Variants in DSCAM observed in about 807,000 individuals in gnomAD.
DSCAM encodes cell adhesion molecule DSCAM.
A neutral mutation model predicts 217.7 loss-of-function variants in DSCAM; 47 were observed. The ratio of observed to expected loss-of-function variants is 0.22; its 90% confidence interval spans 0.17 to 0.28. DSCAM has a LOEUF of 0.28. Among genes scored for constraint, DSCAM ranks in the 10% least tolerant of loss-of-function variants. DSCAM has a pLI of 1.00. For synonymous variants in DSCAM, 1,056 were observed against 1,015.3 expected (o/e 1.04, Z -0.76); for missense variants, 2,080 against 2,618.3 (o/e 0.79, Z 4.49).
intron 3 of DSCAM, among the ~76,000 whole-genome samples, chr21:40,453,093 A>T (rs59897060): frequency 0.15 from 18,723 of 126,650 alleles, 1,537 homozygotes; most frequent in East Asian, 0.41. Context: ...TGTGTGTGTG[A>T]GATATATGTG....
intron 3 of DSCAM, among the ~76,000 whole-genome samples, chr21:40,502,924 T>C (rs1202424924): frequency 6.6e-6 from 1 of 152,112 alleles, no homozygotes; most frequent in East Asian, 1.9e-4. Context: ...TTTTTTTATT[T>C]AACAAAACTA....
chr21:40,492,082 A>C (rs1039449993), intron 3 of DSCAM, among the ~76,000 whole-genome samples: 1 of 152,238 alleles, frequency 6.6e-6, no homozygotes, highest in Middle Eastern at 3.2e-3. Context: ...ACCAGAGTAT[A>C]ATAAGTAACC....
chr21:40,138,124 T>C (rs987338363), intron 18 of DSCAM, among the ~76,000 whole-genome samples: 2 of 152,230 alleles, frequency 1.3e-5, no homozygotes, highest in African/African-American at 4.8e-5. Flanking sequence ...CAGTTTTATT[T>C]CATCTGACCA....
In DSCAM at chr21:40,435,669, C is replaced by A. The variant is rs192287222; in HGVS notation, c.509-66424G>T. 2.7e-3 allele frequency among the ~76,000 whole-genome samples: 405 copies of A among 152,158 alleles called. 4 individuals are homozygous for A. The highest frequency in any genetic ancestry group is 8.6e-3 in the African/African-American group (356 of 41,516). Reference sequence around the variant, plus strand: ...ATCCCTCCTTTGAATTGCTTTTGTACCTTTGTCAAAAATCAGCTGAGCATA... The same window carrying A: ...ATCCCTCCTTTGAATTGCTTTTGTAACTTTGTCAAAAATCAGCTGAGCATA... On this transcript the variant is annotated intron_variant, in intron 3 of 32. Transcript: ENST00000400454.
chr21:40,658,976 G>C (rs2090105831), intron 3 of DSCAM, among the ~76,000 whole-genome samples: 1 of 152,068 alleles, frequency 6.6e-6, no homozygotes, highest in Non-Finnish European at 1.5e-5. Context: ...GGCAAATGAG[G>C]CTTCGTCTTC....
intron 11 of DSCAM, among the ~76,000 whole-genome samples, chr21:40,229,028 A>G (rs2091358036): frequency 2.0e-5 from 3 of 152,178 alleles, no homozygotes; most frequent in Admixed American, 2.0e-4. Flanking sequence ...CCTCTTCCCT[A>G]GCTTGTTTGT....
At chr21:40,286,361 G>A (rs1348085146) in intron 10 of DSCAM, among the ~76,000 whole-genome samples, 1 of 152,100 alleles carries the variant, frequency 6.6e-6, no homozygotes, top group Non-Finnish European at 1.5e-5. Flanking sequence ...AAAAGAATGA[G>A]ACGAAATGCC....
intron 20 of DSCAM, among the ~76,000 whole-genome samples, chr21:40,106,782 T>C (rs765471998): frequency 6.6e-6 from 1 of 152,226 alleles, no homozygotes; most frequent in Non-Finnish European, 1.5e-5. Flanking sequence ...TATTCTCTGA[T>C]GGTTGTTTGT....
rs148940809 is a variant in DSCAM at position 40,186,182 on chromosome 21, C to T, written c.2779+949G>A. On this transcript the variant is annotated intron_variant, in intron 14 of 32. Coordinates refer to ENST00000400454, the MANE Select transcript of DSCAM (RefSeq NM_001389.5). ...GCAGTCACCATTTCCTGGCTCTGTT[C>T]CTGGCTTGCTCTTGCTGAAACATTT... 2.6e-3 allele frequency among the ~76,000 whole-genome samples: 393 copies of T among 152,314 alleles called. 1 individual carries two copies. Among genetic ancestry groups the T allele is most frequent in the African/African-American group, 9.2e-3 (383 of 41,578 alleles).
intron 8 of DSCAM, among the ~76,000 whole-genome samples, chr21:40,333,701 T>C (rs2074400135): frequency 6.6e-6 from 1 of 152,212 alleles, no homozygotes; most frequent in South Asian, 2.1e-4. Flanking sequence ...CCTTCTAAGT[T>C]CTGAGTAAAG....
In DSCAM at chr21:40,087,151, AC is replaced by A; in HGVS notation, c.3968+18del. On this transcript the variant is annotated intron_variant, in intron 22 of 32. Transcript: ENST00000400454. ...TCTCTTAGAGTCTCACTGAAGGCATACATTGGGTTACTGGTTACCTGTCTTT... is the reference window on the plus strand; with the variant it reads ...TCTCTTAGAGTCTCACTGAAGGCATAATTGGGTTACTGGTTACCTGTCTTT... 6.5e-7 allele frequency: 1 copy of A among 1,540,824 alleles called. No individual in the cohort carries two copies. The highest frequency in any genetic ancestry group is 2.2e-5 in the East Asian group (1 of 44,504).
chr21:40,216,822 C>T (rs1256815013), intron 11 of DSCAM, among the ~76,000 whole-genome samples: 1 of 152,208 alleles, frequency 6.6e-6, no homozygotes, highest in Non-Finnish European at 1.5e-5. Context: ...GGAGCTGCTG[C>T]CCTGTTAGAA....
Position 40,012,070 on chromosome 21 carries a change from T to G in DSCAM, c.*964A>C, listed in dbSNP as rs1293041377. On this transcript the variant is annotated 3_prime_UTR_variant, in exon 33 of 33. Coordinates refer to ENST00000400454, the MANE Select transcript of DSCAM (RefSeq NM_001389.5). ...GCATGTGGCCTTGTTTCAATAAAAC[T>G]TTATTTAAAAAACAGCAGGAGGCTG... The G allele has an allele frequency of 7.7e-6, 1 of 129,588 alleles. No individual in the cohort carries two copies. Among genetic ancestry groups the G allele is most frequent in the Non-Finnish European group, 1.6e-5 (1 of 61,324 alleles). The allele number at this position is 129,588 out of a possible 1,614,324, so 8.0% of individuals were successfully genotyped here.
chr21:40,429,270 C>CTT (rs559574795), intron 3 of DSCAM, among the ~76,000 whole-genome samples: 2 of 142,512 alleles, frequency 1.4e-5, no homozygotes, highest in African/African-American at 5.1e-5. Flanking sequence ...GTTTTTTGTG[C>CTT]TTTTTTTTTT....
chr21:40,843,368 ATGTGTGTGTGTGTGTGTGTG>A (rs36229663), intron 1 of DSCAM, among the ~76,000 whole-genome samples: 2 of 146,050 alleles, frequency 1.4e-5, no homozygotes, highest in African/African-American at 5.0e-5. Flanking sequence ...GAATGCATGC[ATGTGTGTGTGTGTGTGTGTG>A]TGTGTGTGTG....
At chr21:40,662,976 G>C (rs2090154844) in intron 3 of DSCAM, among the ~76,000 whole-genome samples, 1 of 152,154 alleles carries the variant, frequency 6.6e-6, no homozygotes, top group Admixed American at 6.5e-5. Context: ...CAGAAGCCCA[G>C]CTTGAGGGGC....
chr21:40,656,362 T>C (rs2090076502), intron 3 of DSCAM, among the ~76,000 whole-genome samples: 1 of 152,168 alleles, frequency 6.6e-6, no homozygotes, highest in African/African-American at 2.4e-5. Flanking sequence ...TCATCGCTTT[T>C]TGCAAACCAC....
intron 2 of DSCAM, among the ~76,000 whole-genome samples, chr21:40,708,110 G>A (rs548682919): frequency 4.3e-4 from 63 of 147,030 alleles, no homozygotes; most frequent in African/African-American, 1.6e-3. Flanking sequence ...TGGGGTAGGG[G>A]AAGGGCAAGT....
At chr21:40,176,807 C>G (rs11909540) in intron 15 of DSCAM, among the ~76,000 whole-genome samples, 49,874 of 152,140 alleles carry the variant, frequency 0.33, 8,295 homozygotes, top group South Asian at 0.34. Context: ...CATCTGTCTG[C>G]AGACATGCCA....
Sources: allele counts gnomAD v4.1 joint callset (sites outside exome capture counted in the v4.1 genomes callset), GRCh38; gene constraint gnomAD v4.1.1; transcripts MANE v1.5; gene names NCBI Gene and HGNC (gene_info 2026-07-23, HGNC 2026-07-21).